Variants in PCDH15 observed in about 807,000 individuals in gnomAD.
PCDH15 encodes protocadherin related 15.
A neutral mutation model predicts 178.5 loss-of-function variants in PCDH15; 129 were observed. The ratio of observed to expected loss-of-function variants is 0.72; its 90% CI spans 0.63 to 0.84. The LOEUF is 0.84. Ranked by LOEUF, PCDH15 falls within the 40% of genes least tolerant of loss-of-function variation. The pLI is 0.00. For missense variants in PCDH15, 2,230 were observed against 2,099.9 expected (o/e 1.06, Z -1.21); for synonymous variants, 800 against 732.0 (o/e 1.09, Z -1.50).
At chr10:55,438,972 C>T (rs1839113911) in intron 2 of PCDH15, among the ~76,000 whole-genome samples, 1 of 152,014 alleles carries the variant, frequency 6.6e-6, no homozygotes, top group East Asian at 1.9e-4. Flanking sequence ...GATCTCGGCT[C>T]ACTACAAGCT....
At chr10:54,442,821 A>T (rs1774661) in intron 3 of PCDH15, among the ~76,000 whole-genome samples, 109,198 of 151,094 alleles carry the variant, frequency 0.72, 40,802 homozygotes, top group African/African-American at 0.84. Context: ...GTTGGCTTTC[A>T]GTAGTAAAAA....
At chr10:54,472,901 C>T (rs1159596763) in intron 3 of PCDH15, among the ~76,000 whole-genome samples, 1 of 152,078 alleles carries the variant, frequency 6.6e-6, no homozygotes, top group African/African-American at 2.4e-5. Context: ...AAATTATCTT[C>T]ACAGTTGAAA....
rs1326153264 is a variant in PCDH15, at chr10:53,803,888, A to G, written c.*2691T>C. The G allele has an allele frequency of 1.3e-5, 2 of 151,926 alleles. No individual in the cohort carries two copies. The highest frequency in any genetic ancestry group is 2.9e-5 in the Non-Finnish European group (2 of 67,890). The allele number at this position is 151,926 out of a possible 1,614,324, so 9.4% of individuals were successfully genotyped here. A position where few individuals can be genotyped will look rare whatever the true frequency, so the allele number is the denominator to read the frequency against. On this transcript the variant is annotated 3_prime_UTR_variant, in exon 38 of 38. Coordinates refer to ENST00000644397, the MANE Select transcript of PCDH15 (RefSeq NM_001384140.1). ...TTGAGAACAACAAGAAAACCTTCCT[A>G]CACCTTCCTAGGAAAAATAACAACC...
intron 2 of PCDH15, among the ~76,000 whole-genome samples, chr10:55,537,164 CAA>C (rs1476759415): frequency 2.0e-5 from 3 of 151,834 alleles, no homozygotes; most frequent in Non-Finnish European, 2.9e-5. Context: ...AGCCAGACTA[CAA>C]TGTAAGACTA....
intron 2 of PCDH15, among the ~76,000 whole-genome samples, chr10:54,659,806 A>G (rs1365611281): frequency 1.3e-5 from 2 of 151,938 alleles, no homozygotes; most frequent in Non-Finnish European, 2.9e-5. Context: ...ACACAAGTAC[A>G]TGGAATCTGA....
At chr10:54,737,161 T>C (rs149708248) in intron 1 of PCDH15, among the ~76,000 whole-genome samples, 1 of 152,172 alleles carries the variant, frequency 6.6e-6, no homozygotes, top group Non-Finnish European at 1.5e-5. Flanking sequence ...GGGTGCTTCT[T>C]ATGCGAAACT....
intron 2 of PCDH15, among the ~76,000 whole-genome samples, chr10:55,497,051 G>C (rs1194980561): frequency 6.6e-6 from 1 of 151,772 alleles, no homozygotes; most frequent in Non-Finnish European, 1.5e-5. Context: ...AAAATGACAG[G>C]CTAGAACAAA....
chr10:53,905,168 A>G (rs770692627), intron 25 of PCDH15: 1 of 518,804 alleles, frequency 1.9e-6, no homozygotes, highest in South Asian at 1.4e-5. Context: ...AGCTGCCCAT[A>G]TACTTAAGTC....
rs1158623959 is a variant in PCDH15 at position 54,436,009 on chromosome 10, G to A, written c.158-57067C>T. On this transcript the variant is annotated intron_variant, in intron 3 of 37. Coordinates refer to ENST00000644397, the MANE Select transcript of PCDH15 (RefSeq NM_001384140.1). ...AAGAAAAGAAAAGAAAAGAAGAGGA[G>A]AGGAGAGGAGAGGAGAGGAGAGGAG... Among the ~76,000 whole-genome samples the A allele has an allele frequency of 6.7e-3, 377 of 56,200 alleles. 5 individuals carry two copies. Among genetic ancestry groups the A allele is most frequent in the African/African-American group, 0.036 (353 of 9,722 alleles). 36.9% of individuals were successfully genotyped at this position (56,200 alleles called of 152,430 possible).
rs4935502 is a variant in PCDH15 at position 54,195,684 on chromosome 10, T to G, written c.1304A>C (p.Asp435Ala). 0.18 allele frequency: 285,681 copies of G among 1,610,574 alleles called. 39,899 individuals carry two copies. Among genetic ancestry groups the G allele is most frequent in the East Asian group, 0.87 (38,845 of 44,802 alleles). The change falls in exon 11 of 38, where the codon GAT becomes GCT. Residue 435 changes from aspartate (D) to alanine (A), a missense_variant and splice_region_variant. Coordinates refer to ENST00000644397, the MANE Select transcript of PCDH15 (RefSeq NM_001384140.1). Reference protein sequence around the residue: ...RIVALDKDIEDTKDPELHLFL... With the variant: ...RIVALDKDIEATKDPELHLFL... The stretch of plus-strand genomic sequence containing the variant: ...GAGCAAAATATGTATTTAACTTACA[T>G]CTTCTATGTCCTTGTCCAGAGCTAC...
At chr10:54,442,789 A>T (rs1469456422) in intron 3 of PCDH15, among the ~76,000 whole-genome samples, 1 of 151,536 alleles carries the variant, frequency 6.6e-6, no homozygotes, top group African/African-American at 2.4e-5. Context: ...TGTAGTGGGT[A>T]GTAAAAGAGA....
chr10:54,182,664 C>T (rs1337567121), intron 13 of PCDH15, among the ~76,000 whole-genome samples: 1 of 152,056 alleles, frequency 6.6e-6, no homozygotes, highest in Admixed American at 6.6e-5. Flanking sequence ...TAAATTTTCT[C>T]TGCTGTAATG....
At chr10:54,605,954 T>G (rs994315883) in intron 2 of PCDH15, 2 of 152,116 alleles carry the variant, frequency 1.3e-5, no homozygotes, top group African/African-American at 4.8e-5. Flanking sequence ...AGAGGCTTGC[T>G]TTTATCATTA....
rs1400582520 is a variant in PCDH15 at position 53,810,677 on chromosome 10, C to T, written c.4563-13G>A. 2 of 1,602,328 alleles carry T rather than the reference C, an allele frequency of 1.2e-6. No homozygotes were observed. The highest frequency in any genetic ancestry group is 1.7e-6 in the Non-Finnish European group (2 of 1,169,530). On this transcript the variant is annotated splice_polypyrimidine_tract_variant and intron_variant, in intron 36 of 37. Transcript: ENST00000644397. Reference sequence around the variant, plus strand: ...AGGCATTTCATACCTGTAATATAAACTTACATCTTTAAACAGTTTGTCATG... The same window carrying T: ...AGGCATTTCATACCTGTAATATAAATTTACATCTTTAAACAGTTTGTCATG...
chr10:54,856,586 A>G (rs1041868453), intron 3 of PCDH15, among the ~76,000 whole-genome samples: 1 of 152,176 alleles, frequency 6.6e-6, no homozygotes, highest in African/African-American at 2.4e-5. Context: ...TTCAAGCCAC[A>G]AAGTTTATGC....
At chr10:53,925,745 C>G (rs534608759) in intron 25 of PCDH15, among the ~76,000 whole-genome samples, 1 of 152,234 alleles carries the variant, frequency 6.6e-6, no homozygotes, top group South Asian at 2.1e-4. Flanking sequence ...TAGTCTTGAG[C>G]CCTTTCTATG....
chr10:55,373,000 T>G (rs1002987001), intron 2 of PCDH15, among the ~76,000 whole-genome samples: 2 of 152,138 alleles, frequency 1.3e-5, no homozygotes, highest in Non-Finnish European at 2.9e-5. Flanking sequence ...GTGAGTCTAG[T>G]GCTGAGCTAG....
chr10:54,383,629 T>TG (rs371110167), intron 3 of PCDH15, among the ~76,000 whole-genome samples: 28 of 117,590 alleles, frequency 2.4e-4, no homozygotes, highest in African/African-American at 9.2e-4. Flanking sequence ...ATGTGTGTTT[T>TG]TGTGTGTGTG....
At chr10:54,674,303 G>A (rs973710102) in intron 1 of PCDH15, among the ~76,000 whole-genome samples, 5 of 152,092 alleles carry the variant, frequency 3.3e-5, no homozygotes, top group African/African-American at 9.7e-5. Flanking sequence ...TATGATAGAT[G>A]TTGATATTAT....
Sources: allele counts gnomAD v4.1 joint callset (sites outside exome capture counted in the v4.1 genomes callset), GRCh38; gene constraint gnomAD v4.1.1; transcripts MANE v1.5; gene names NCBI Gene and HGNC (gene_info 2026-07-23, HGNC 2026-07-21).